Variants in HAAO observed in about 807,000 individuals in gnomAD.
HAAO encodes the protein 3-hydroxyanthranilate oxygenase.
HAAO carries 49 observed loss-of-function variants against 46.2 expected under a neutral mutation model. That is an observed-to-expected ratio of 1.06 (90% CI 0.84 to 1.34). HAAO has a LOEUF of 1.34. HAAO is among the 40% of genes most tolerant of loss of function. The probability of loss-of-function intolerance (pLI) is 0.00; values close to 1 mark genes in which losing one functional copy is unlikely to be tolerated. For synonymous variants in HAAO, 157 were observed against 145.2 expected (o/e 1.08, Z -0.58); for missense variants, 408 against 364.5 (o/e 1.12, Z -0.97).
chr2:42,779,036 C>G (rs1205753032), intron 4 of HAAO, among the ~76,000 whole-genome samples: 1 of 151,948 alleles, frequency 6.6e-6, no homozygotes, highest in African/African-American at 2.4e-5. Flanking sequence ...TCACCTGGAC[C>G]CGGGAGGTGG....
At position 42,770,194 on chromosome 2, in the gene HAAO, G is replaced by A. The variant is rs1245768009; in HGVS notation, c.441-8C>T. 1 of 1,594,622 alleles carries A rather than the reference G, an allele frequency of 6.3e-7. No individual in the cohort carries two copies. Among genetic ancestry groups the A allele is most frequent in the Non-Finnish European group, 8.6e-7 (1 of 1,169,104 alleles). On this transcript the variant is annotated splice_polypyrimidine_tract_variant and splice_region_variant and intron_variant, in intron 5 of 9. Coordinates refer to ENST00000294973, the MANE Select transcript of HAAO (RefSeq NM_012205.3). The stretch of plus-strand genomic sequence containing the variant: ...TGCTCAGAGCTGAAGAACCTGCAAG[G>A]ACGAACAGGGAGGAGCAGGAGTGGC...
intron 2 of HAAO, among the ~76,000 whole-genome samples, chr2:42,785,362 G>C (rs888729457): frequency 2.0e-5 from 3 of 152,218 alleles, no homozygotes; most frequent in Non-Finnish European, 4.4e-5. Context: ...TTGAATAGCT[G>C]TTAATAAAAT....
At chr2:42,777,540 G>T (rs564981707) in intron 4 of HAAO, among the ~76,000 whole-genome samples, 2 of 152,226 alleles carry the variant, frequency 1.3e-5, no homozygotes, top group African/African-American at 4.8e-5. Flanking sequence ...GAGCTTGGAG[G>T]TTAGAAGCAA....
intron 4 of HAAO, among the ~76,000 whole-genome samples, chr2:42,775,497 A>C (rs765815177): frequency 3.3e-5 from 5 of 151,968 alleles, no homozygotes; most frequent in Non-Finnish European, 5.9e-5. Flanking sequence ...CAATGGTTAA[A>C]AGTCAGCTTA....
rs1672199755 is a variant in HAAO at position 42,783,877 on chromosome 2, A to G, written c.160-10T>C. On this transcript the variant is annotated splice_polypyrimidine_tract_variant and intron_variant, in intron 2 of 9. Coordinates refer to ENST00000294973, the MANE Select transcript of HAAO (RefSeq NM_012205.3). ...CCAGCTGGTAAAATACCTGTGGGAC[A>G]GGAGAGAGGCTTGGACCCTCCGCAC... is the stretch of plus-strand genomic sequence containing the variant. 1 of 1,605,258 alleles carries G rather than the reference A, an allele frequency of 6.2e-7. No individual in the cohort carries two copies. Among genetic ancestry groups the G allele is most frequent in the Admixed American group, 1.7e-5 (1 of 59,140 alleles).
At chr2:42,786,093 G>A (rs1405595325) in intron 2 of HAAO, among the ~76,000 whole-genome samples, 1 of 151,040 alleles carries the variant, frequency 6.6e-6, no homozygotes, top group Non-Finnish European at 1.5e-5. Context: ...CACAGTGAGG[G>A]AAGGGAGGAG....
chr2:42,771,225 A>C (rs1407515813), intron 4 of HAAO, among the ~76,000 whole-genome samples: 1 of 151,660 alleles, frequency 6.6e-6, no homozygotes, highest in East Asian at 1.9e-4. Context: ...AAAAATAATA[A>C]TAATAATAAA....
At chr2:42,786,166 T>C (rs1397599702) in intron 2 of HAAO, among the ~76,000 whole-genome samples, 2 of 151,842 alleles carry the variant, frequency 1.3e-5, no homozygotes, top group Non-Finnish European at 2.9e-5. Context: ...TTTAAACCCT[T>C]ACTGCCTTAC....
chr2:42,769,898 C>G, intron 6 of HAAO, 40 bp from the exon 7 acceptor site: 1 of 1,554,344 alleles, frequency 6.4e-7, no homozygotes, highest in Non-Finnish European at 8.7e-7. Context: ...TCCTCAGGAC[C>G]CAGCCCACCC....
At chr2:42,778,720 AC>A (rs1198433432) in intron 4 of HAAO, among the ~76,000 whole-genome samples, 1 of 152,198 alleles carries the variant, frequency 6.6e-6, no homozygotes, top group Non-Finnish European at 1.5e-5. Context: ...CATTCCTGAA[AC>A]ACAGGGACAG....
chr2:42,768,234 G>A (rs375279969), intron 7 of HAAO, among the ~76,000 whole-genome samples: 12 of 152,314 alleles, frequency 7.9e-5, no homozygotes, highest in East Asian at 1.9e-4. Context: ...CATGAGGGAC[G>A]CATTTCCATC....
chr2:42,791,936 G>GTGTT (rs1672833864), intron 1 of HAAO, among the ~76,000 whole-genome samples: 2 of 151,920 alleles, frequency 1.3e-5, no homozygotes, highest in Admixed American at 6.6e-5. Context: ...GTGTGTGTGT[G>GTGTT]TGTGTTCGTG....
chr2:42,773,929 T>G (rs961115928), intron 4 of HAAO, among the ~76,000 whole-genome samples: 2 of 152,198 alleles, frequency 1.3e-5, no homozygotes, highest in African/African-American at 4.8e-5. Flanking sequence ...CTCTGCTCAC[T>G]GAGATAAATG....
In HAAO at chr2:42,781,412, G is replaced by A. The variant is rs745829369; in HGVS notation, c.350+1902C>T. Among the ~76,000 whole-genome samples the A allele has an allele frequency of 4.6e-5, 7 of 152,144 alleles. No individual in the cohort carries two copies. In the South Asian group the frequency reaches 6.2e-4, roughly 14 times the overall value. ...TAAGTAAAGACCCTGTCTCTGACAC[G>A]CCCAAAGGCCTCAAGTTTACCTTGG... is the stretch of plus-strand genomic sequence containing the variant. On this transcript the variant is annotated intron_variant, in intron 4 of 9. Transcript: ENST00000294973.
chr2:42,791,020 C>G (rs994094410), intron 1 of HAAO, among the ~76,000 whole-genome samples: 1 of 152,182 alleles, frequency 6.6e-6, no homozygotes, highest in Non-Finnish European at 1.5e-5. Flanking sequence ...TCTCACCTTG[C>G]TGAATAGTAA....
At chr2:42,770,228 C>A (rs1217944561) in intron 5 of HAAO, 42 bp from the exon 6 acceptor site, 1 of 1,556,546 alleles carries the variant, frequency 6.4e-7, no homozygotes, top group South Asian at 1.2e-5. Context: ...GCGAGCACTC[C>A]CATCGGAGTG....
chr2:42,782,807 CT>C, intron 4 of HAAO: 1 of 403,078 alleles, frequency 2.5e-6, no homozygotes. Context: ...GTCTTCCCAC[CT>C]TTGCTTGGAG....
chr2:42,779,941 C>G (rs569052592), intron 4 of HAAO, among the ~76,000 whole-genome samples: 1 of 152,200 alleles, frequency 6.6e-6, no homozygotes, highest in South Asian at 2.1e-4. Context: ...TTTCTTTAGG[C>G]TGTATTTGTA....
chr2:42,772,902 C>CG (rs1000006332), intron 4 of HAAO, among the ~76,000 whole-genome samples: 1 of 139,240 alleles, frequency 7.2e-6, no homozygotes, highest in Non-Finnish European at 1.5e-5. Flanking sequence ...TGCATTCCAG[C>CG]GTGGGTGATA....
Sources: gnomAD v4.1 joint callset for allele counts (sites outside exome capture counted in the v4.1 genomes callset) on GRCh38, gnomAD v4.1.1 for gene constraint, MANE v1.5 for transcripts, NCBI Gene and HGNC (gene_info 2026-07-23, HGNC 2026-07-21) for gene names.